The following SPINK6 variants were observed in gnomAD, a reference collection of about 807,000 sequenced individuals.
SPINK6 encodes serine peptidase inhibitor Kazal type 6.
In SPINK6, 13 loss-of-function variants were observed where a neutral mutation model predicts 11.7. That is an observed-to-expected ratio of 1.11 (90% CI 0.72 to 1.76). SPINK6 has a LOEUF of 1.76. Among genes scored for constraint, SPINK6 ranks in the 40% most tolerant of loss-of-function variants. SPINK6 has a pLI of 0.00. For synonymous variants in SPINK6, 21 were observed against 31.9 expected (o/e 0.66, Z 1.15); for missense variants, 98 against 93.7 (o/e 1.05, Z -0.19).
At position 148,209,991 on chromosome 5, in the gene SPINK6, T is replaced by TACGCACGTACGTATGTATGTATAC. The variant is rs1398978551; in HGVS notation, c.82-3918_82-3917insCGCACGTACGTATGTATGTATACA. On this transcript the variant is annotated intron_variant, in intron 2 of 3. Coordinates refer to ENST00000325630, the MANE Select transcript of SPINK6 (RefSeq NM_205841.4). ...ACATACGTACGTATGTATGTATACA[T>TACGCACGTACGTATGTATGTATAC]ATACACGTATGTATACATGTATGTA... Among the ~76,000 whole-genome samples, 2 of 145,402 alleles carry TACGCACGTACGTATGTATGTATAC rather than the reference T, an allele frequency of 1.4e-5. 1 individual carries two copies. The highest frequency in any genetic ancestry group is 3.0e-5 in the Non-Finnish European group (2 of 65,968).
intron 1 of SPINK6, among the ~76,000 whole-genome samples, chr5:148,204,927 G>A (rs1335101333): frequency 6.6e-6 from 1 of 152,024 alleles, no homozygotes; most frequent in Non-Finnish European, 1.5e-5. Flanking sequence ...AAACCACTTA[G>A]AGTCTTTAAA....
chr5:148,212,939 CTT>C (rs1755631898), intron 2 of SPINK6, among the ~76,000 whole-genome samples: 1 of 146,060 alleles, frequency 6.8e-6, no homozygotes, highest in African/African-American at 2.5e-5. Context: ...TAGAGATACA[CTT>C]TATATATACA....
At chr5:148,207,089 G>A (rs1008498964) in intron 2 of SPINK6, among the ~76,000 whole-genome samples, 2 of 151,674 alleles carry the variant, frequency 1.3e-5, no homozygotes, top group Non-Finnish European at 2.9e-5. Context: ...ATGCACACAT[G>A]TGTGTTGGCA....
chr5:148,209,969 T>TACGTATGTTTGTATACATACAC (rs1561732069), intron 2 of SPINK6, among the ~76,000 whole-genome samples: 1 of 126,610 alleles, frequency 7.9e-6, no homozygotes, highest in Non-Finnish European at 1.7e-5. Flanking sequence ...TATACATACA[T>TACGTATGTTTGTATACATACAC]ACGTACGTAT....
At chr5:148,206,112 T>G in intron 2 of SPINK6, 54 bp downstream of exon 2, 1 of 1,603,416 alleles carries the variant, frequency 6.2e-7, no homozygotes, top group East Asian at 2.2e-5. Flanking sequence ...TGGCTTGATC[T>G]TCACTGGCCA....
intron 2 of SPINK6, among the ~76,000 whole-genome samples, chr5:148,209,969 T>TACGTACGTATATATGTATACATACAC (rs1755551005): frequency 7.9e-6 from 1 of 126,610 alleles, no homozygotes; most frequent in Non-Finnish European, 1.7e-5. Context: ...TATACATACA[T>TACGTACGTATATATGTATACATACAC]ACGTACGTAT....
chr5:148,210,444 A>G (rs1276463303), intron 2 of SPINK6, among the ~76,000 whole-genome samples: 1 of 151,918 alleles, frequency 6.6e-6, no homozygotes, highest in Non-Finnish European at 1.5e-5. Context: ...ATATATATGT[A>G]TGTGTTTCTG....
intron 1 of SPINK6, 64 bp from the exon 2 acceptor site, chr5:148,205,972 T>C: frequency 6.4e-7 from 1 of 1,567,022 alleles, no homozygotes; most frequent in Admixed American, 1.7e-5. Context: ...TTTCCTAATG[T>C]TGAAAATTTC....
In SPINK6 at chr5:148,213,519, T is replaced by C. The variant is rs562743816; in HGVS notation, c.82-391T>C. Reference sequence around the variant, plus strand: ...CAGCCCATCCATGTTTTGATAGCAATACAGGAGTACTGTTAGAGCACATTA... The same window carrying C: ...CAGCCCATCCATGTTTTGATAGCAACACAGGAGTACTGTTAGAGCACATTA... On this transcript the variant is annotated intron_variant, in intron 2 of 3. Coordinates refer to ENST00000325630, the MANE Select transcript of SPINK6 (RefSeq NM_205841.4). 2.6e-5 allele frequency among the ~76,000 whole-genome samples: 4 copies of C among 152,192 alleles called. No homozygotes were observed. The South Asian group carries it at 8.3e-4, about 32-fold the overall frequency.
At chr5:148,205,905 C>CA (rs1011926024) in intron 1 of SPINK6, 131 bp from the exon 2 acceptor site, 247 of 919,988 alleles carry the variant, frequency 2.7e-4, no homozygotes, top group Middle Eastern at 1.2e-3. Flanking sequence ...CAAAAACAAA[C>CA]AAAAAAAATA....
At chr5:148,214,753 G>A (rs1423759206) in intron 3 of SPINK6, 152 bp from the exon 4 acceptor site, 4 of 600,052 alleles carry the variant, frequency 6.7e-6, no homozygotes, top group Non-Finnish European at 8.5e-6. Flanking sequence ...TAACCTCTGA[G>A]TGCATTTAAT....
At chr5:148,204,306 G>C (rs1480245542) in intron 1 of SPINK6, among the ~76,000 whole-genome samples, 2 of 151,970 alleles carry the variant, frequency 1.3e-5, no homozygotes, top group African/African-American at 4.8e-5. Flanking sequence ...TTAATGGGTA[G>C]TTCAATCAGT....
At chr5:148,211,974 TGTAA>T (rs1232160170) in intron 2 of SPINK6, among the ~76,000 whole-genome samples, 9 of 152,172 alleles carry the variant, frequency 5.9e-5, no homozygotes, top group African/African-American at 2.2e-4. Flanking sequence ...TCTCTCCATA[TGTAA>T]GTGTCACTTC....
chr5:148,210,140 A>G (rs566314546), intron 2 of SPINK6, among the ~76,000 whole-genome samples: 1 of 145,320 alleles, frequency 6.9e-6, no homozygotes, highest in East Asian at 2.0e-4. Flanking sequence ...ATTTCTGCAT[A>G]CATATGTATG....
At chr5:148,212,846 GTATA>G (rs2113318189) in intron 2 of SPINK6, among the ~76,000 whole-genome samples, 1 of 136,514 alleles carries the variant, frequency 7.3e-6, no homozygotes, top group African/African-American at 2.7e-5. Context: ...TATATATTTA[GTATA>G]TAAATATATA....
chr5:148,205,929 A>C (rs1450341970), intron 1 of SPINK6, 107 bp from the exon 2 acceptor site: 6 of 1,171,308 alleles, frequency 5.1e-6, no homozygotes, highest in Non-Finnish European at 7.5e-6. Context: ...TGACTTTTTA[A>C]GATAGCCAAG....
Position 148,210,877 on chromosome 5 carries a change from C to A in SPINK6, c.82-3033C>A, listed in dbSNP as rs73795039. On this transcript the variant is annotated intron_variant, in intron 2 of 3. Coordinates refer to ENST00000325630, the MANE Select transcript of SPINK6 (RefSeq NM_205841.4). ...GGAGGGAAATAAGGGTGAGGGGAAG[C>A]CAAGCTTGGTAGCAATTAGGACAAC... 2.9e-3 allele frequency among the ~76,000 whole-genome samples: 441 copies of A among 151,990 alleles called. 2 individuals are homozygous for A. The highest frequency in any genetic ancestry group is 8.5e-3 in the African/African-American group (352 of 41,474).
chr5:148,211,760 C>G (rs1392467559), intron 2 of SPINK6, among the ~76,000 whole-genome samples: 1 of 152,086 alleles, frequency 6.6e-6, no homozygotes, highest in Admixed American at 6.5e-5. Flanking sequence ...TGTTCATATG[C>G]CACTTGATTG....
At chr5:148,208,458 C>T (rs1401460920) in intron 2 of SPINK6, among the ~76,000 whole-genome samples, 1 of 152,178 alleles carries the variant, frequency 6.6e-6, no homozygotes, top group Non-Finnish European at 1.5e-5. Flanking sequence ...AAGATTTCCT[C>T]CAACACTGAA....
Sources: allele counts gnomAD v4.1 joint callset (sites outside exome capture counted in the v4.1 genomes callset), GRCh38; gene constraint gnomAD v4.1.1; transcripts MANE v1.5; gene names NCBI Gene and HGNC (gene_info 2026-07-23, HGNC 2026-07-21).